EXOC4: variants seen among roughly 807,000 people sequenced by gnomAD.
EXOC4 encodes exocyst complex component 4.
EXOC4 carries 71 observed loss-of-function variants against 107.2 expected under a neutral mutation model. That is an observed-to-expected ratio of 0.66 (90% CI 0.55 to 0.81). EXOC4 has a LOEUF of 0.81. Ranked by LOEUF, EXOC4 falls within the 30% of genes least tolerant of loss-of-function variation. The pLI, the probability that EXOC4 is intolerant of heterozygous loss-of-function variation, is 0.00. For missense variants in EXOC4, 1,108 were observed against 1,189.6 expected (o/e 0.93, Z 1.01); for synonymous variants, 456 against 441.2 (o/e 1.03, Z -0.42).
intron 4 of EXOC4, among the ~76,000 whole-genome samples, chr7:133,310,497 G>C (rs1315685983): frequency 6.6e-6 from 1 of 152,200 alleles, no homozygotes; most frequent in African/African-American, 2.4e-5. Flanking sequence ...GCAAATAGAG[G>C]AAATCAGTCT....
intron 17 of EXOC4, among the ~76,000 whole-genome samples, chr7:134,017,614 G>T (rs1277456779): frequency 6.6e-6 from 1 of 151,622 alleles, no homozygotes; most frequent in Non-Finnish European, 1.5e-5. Flanking sequence ...TTTACATTAG[G>T]TCCCGTGCAT....
In EXOC4 at chr7:133,873,007, T is replaced by C. The variant is rs77844545; in HGVS notation, c.1735-22592T>C. ...AAAGCCTGGTTTGGTAGAATGACTT[T>C]TCAGTTAAAAGCAAAAGCTCAGTTG... On this transcript the variant is annotated intron_variant, in intron 11 of 17. Coordinates refer to ENST00000253861, the MANE Select transcript of EXOC4 (RefSeq NM_021807.4). 2.4e-3 allele frequency among the ~76,000 whole-genome samples: 365 copies of C among 152,328 alleles called. 5 individuals carry two copies. The highest frequency in any genetic ancestry group is 8.2e-3 in the African/African-American group (341 of 41,570).
intron 11 of EXOC4, among the ~76,000 whole-genome samples, chr7:133,865,844 G>A (rs1798627456): frequency 6.6e-6 from 1 of 152,146 alleles, no homozygotes; most frequent in Non-Finnish European, 1.5e-5. Flanking sequence ...CTCTCACCAA[G>A]CCCCTCTTCC....
the EXOC4 span, among the ~76,000 whole-genome samples, chr7:134,090,819 C>T: frequency 2.0e-5 from 3 of 152,042 alleles, no homozygotes; most frequent in Non-Finnish European, 4.4e-5. Flanking sequence ...ACAGATTAAT[C>T]CAAAGAGAAT....
At chr7:133,344,417 A>G (rs1584833949) in intron 5 of EXOC4, among the ~76,000 whole-genome samples, 1 of 151,798 alleles carries the variant, frequency 6.6e-6, no homozygotes, top group South Asian at 2.1e-4. Flanking sequence ...TGTTTTTATG[A>G]TATTGGGGTG....
At chr7:133,793,062 G>C (rs190328986) in intron 10 of EXOC4, among the ~76,000 whole-genome samples, 1 of 152,008 alleles carries the variant, frequency 6.6e-6, no homozygotes, top group Non-Finnish European at 1.5e-5. Flanking sequence ...GCCCATTTTC[G>C]TTACCTGTGA....
At chr7:133,477,449 C>A (rs554968771) in intron 8 of EXOC4, among the ~76,000 whole-genome samples, 5 of 152,268 alleles carry the variant, frequency 3.3e-5, no homozygotes, top group African/African-American at 1.2e-4. Context: ...TAGCAATATG[C>A]ATTTATCTTT....
At chr7:133,749,992 T>G (rs1795762678) in intron 10 of EXOC4, among the ~76,000 whole-genome samples, 1 of 126,824 alleles carries the variant, frequency 7.9e-6, no homozygotes, top group Non-Finnish European at 1.6e-5. Flanking sequence ...TTTTAACCAG[T>G]GGATTTTGGT....
intron 9 of EXOC4, among the ~76,000 whole-genome samples, chr7:133,596,195 G>A (rs907457812): frequency 3.3e-5 from 5 of 152,170 alleles, no homozygotes; most frequent in Non-Finnish European, 7.3e-5. Context: ...GCTATTTAGT[G>A]AAAACTCTAT....
chr7:133,768,167 CAT>C (rs2151159558), intron 10 of EXOC4: 3 of 151,990 alleles, frequency 2.0e-5, no homozygotes, highest in South Asian at 4.2e-4. Flanking sequence ...AAACAACAAA[CAT>C]ATTGCTTATC....
chr7:133,716,474 G>A (rs1386454878), intron 10 of EXOC4, among the ~76,000 whole-genome samples: 2 of 152,152 alleles, frequency 1.3e-5, no homozygotes, highest in Non-Finnish European at 1.5e-5. Flanking sequence ...ACAGAATAGT[G>A]TATACTTATT....
At chr7:133,367,930 C>T (rs1281632230) in intron 6 of EXOC4, among the ~76,000 whole-genome samples, 1 of 152,166 alleles carries the variant, frequency 6.6e-6, no homozygotes, top group East Asian at 1.9e-4. Flanking sequence ...TAGGGATCTC[C>T]TCCATTATGA....
intron 6 of EXOC4, among the ~76,000 whole-genome samples, chr7:133,366,653 C>T (rs768913616): frequency 5.9e-5 from 9 of 152,130 alleles, no homozygotes; most frequent in Non-Finnish European, 1.0e-4. Flanking sequence ...ATAACACTTA[C>T]TTTCTTACCA....
intron 14 of EXOC4, among the ~76,000 whole-genome samples, chr7:133,971,274 T>A (rs79028417): frequency 9.2e-5 from 13 of 141,994 alleles, no homozygotes; most frequent in Non-Finnish European, 1.4e-4. Context: ...GTTGGTTTTT[T>A]AAAAAAAATA....
At chr7:133,813,548 T>C (rs1797288165) in intron 10 of EXOC4, among the ~76,000 whole-genome samples, 1 of 152,192 alleles carries the variant, frequency 6.6e-6, no homozygotes, top group African/African-American at 2.4e-5. Context: ...GAGTATCTTT[T>C]TGGGAGTTAG....
At position 133,796,632 on chromosome 7, in the gene EXOC4, C is replaced by A. The variant is rs369984651; in HGVS notation, c.1515-20693C>A. On this transcript the variant is annotated intron_variant, in intron 10 of 17. Transcript: ENST00000253861. Reference sequence around the variant, plus strand: ...AATTAGCTGGGCGTGGTGGCATGCACCTGTAGTCCCAGATACTCTGGAGGC... The same window carrying A: ...AATTAGCTGGGCGTGGTGGCATGCAACTGTAGTCCCAGATACTCTGGAGGC... 2.0e-4 allele frequency among the ~76,000 whole-genome samples: 30 copies of A among 152,160 alleles called. No homozygotes were observed. In the South Asian group the frequency reaches 5.2e-3, roughly 26 times the overall value.
intron 12 of EXOC4, among the ~76,000 whole-genome samples, chr7:133,898,745 CAAAAAAAAAAAA>C (rs869131471): frequency 1.5e-5 from 1 of 64,778 alleles, no homozygotes; most frequent in Admixed American, 2.1e-4. Context: ...GACTCTGTCT[CAAAAAAAAAAAA>C]AAAAAAAAAA....
At position 133,735,093 on chromosome 7, in the gene EXOC4, G is replaced by A. The variant is rs568139461; in HGVS notation, c.1515-82232G>A. ...ATACAAAAATTAGCCGGGCATGATGGTGTGTGCCTGTAATCCCAGCTACTC... is the reference window on the plus strand; with the variant it reads ...ATACAAAAATTAGCCGGGCATGATGATGTGTGCCTGTAATCCCAGCTACTC... On this transcript the variant is annotated intron_variant, in intron 10 of 17. Coordinates refer to ENST00000253861, the MANE Select transcript of EXOC4 (RefSeq NM_021807.4). 4.7e-5 allele frequency among the ~76,000 whole-genome samples: 7 copies of A among 148,984 alleles called. 1 individual carries two copies. Among genetic ancestry groups the A allele is most frequent in the African/African-American group, 1.5e-4 (6 of 40,642 alleles).
At chr7:133,590,538 C>T (rs919244996) in intron 9 of EXOC4, among the ~76,000 whole-genome samples, 3 of 152,086 alleles carry the variant, frequency 2.0e-5, no homozygotes, top group African/African-American at 7.2e-5. Flanking sequence ...CATAAAAACC[C>T]CAGGCTCCAC....
Sources: gnomAD v4.1 joint callset for allele counts (sites outside exome capture counted in the v4.1 genomes callset) on GRCh38, gnomAD v4.1.1 for gene constraint, MANE v1.5 for transcripts, NCBI Gene and HGNC (gene_info 2026-07-23, HGNC 2026-07-21) for gene names.